The following BMPER variants were observed in gnomAD, a reference collection of about 807,000 sequenced individuals.
BMPER encodes the protein BMP binding endothelial regulator.
BMPER carries 45 observed loss-of-function variants against 87.3 expected under a neutral mutation model. The ratio of observed to expected loss-of-function variants is 0.52; its 90% confidence interval spans 0.41 to 0.66. BMPER has a LOEUF of 0.66. Ranked by LOEUF, BMPER falls within the 30% of genes least tolerant of loss-of-function variation. The pLI is 0.00. For synonymous variants in BMPER, 326 were observed against 316.2 expected, an observed-to-expected ratio of 1.03 and a Z score of -0.33; for missense variants, 784 against 867.5, an observed-to-expected ratio of 0.90 and a Z score of 1.21.
intron 13 of BMPER, among the ~76,000 whole-genome samples, chr7:34,103,530 A>G (rs1789739541): frequency 6.6e-6 from 1 of 152,128 alleles, no homozygotes. Context: ...TTTCCTCTGA[A>G]TTTAAGCTTC....
chr7:34,037,661 C>T (rs763984013), intron 6 of BMPER, among the ~76,000 whole-genome samples: 3 of 152,156 alleles, frequency 2.0e-5, no homozygotes, highest in Non-Finnish European at 4.4e-5. Flanking sequence ...GGCATAGCGC[C>T]CCTGAAAAGA....
chr7:34,025,826 T>C (rs1401901615), intron 6 of BMPER, among the ~76,000 whole-genome samples: 1 of 151,968 alleles, frequency 6.6e-6, no homozygotes, highest in Non-Finnish European at 1.5e-5. Context: ...AAGCGCTGGA[T>C]ATAGAGCCCC....
intron 13 of BMPER, among the ~76,000 whole-genome samples, chr7:34,122,856 A>G (rs891965052): frequency 6.6e-6 from 1 of 152,158 alleles, no homozygotes; most frequent in Non-Finnish European, 1.5e-5. Context: ...TTAAATCGGT[A>G]TTTACCTGAT....
intron 13 of BMPER, among the ~76,000 whole-genome samples, chr7:34,103,255 T>G (rs1289418594): frequency 1.3e-5 from 2 of 152,152 alleles, no homozygotes. Context: ...GTGCCCTTAT[T>G]TTCAGTTAAT....
intron 13 of BMPER, among the ~76,000 whole-genome samples, chr7:34,103,410 G>A (rs1789734563): frequency 1.3e-5 from 2 of 152,136 alleles, no homozygotes; most frequent in Admixed American, 6.5e-5. Flanking sequence ...CATATGTTTT[G>A]AAACCTGGTA....
At chr7:34,056,382 C>A (rs1788284678) in intron 9 of BMPER, among the ~76,000 whole-genome samples, 1 of 151,902 alleles carries the variant, frequency 6.6e-6, no homozygotes. Flanking sequence ...TGCACATGTA[C>A]CCCAGAACTA....
At chr7:34,032,840 A>G (rs1787564725) in intron 6 of BMPER, among the ~76,000 whole-genome samples, 1 of 152,110 alleles carries the variant, frequency 6.6e-6, no homozygotes, top group African/African-American at 2.4e-5. Context: ...AGTGAGAACA[A>G]CCATTTTCCA....
intron 2 of BMPER, among the ~76,000 whole-genome samples, chr7:33,923,240 CAG>C (rs1316564104): frequency 2.0e-5 from 3 of 152,284 alleles, no homozygotes; most frequent in East Asian, 3.9e-4. Flanking sequence ...CTCAGTATAA[CAG>C]AGAAGAAAAA....
intron 6 of BMPER, among the ~76,000 whole-genome samples, chr7:34,020,114 T>A (rs1348513182): frequency 6.6e-6 from 1 of 151,576 alleles, no homozygotes. Context: ...TTAGAATGAA[T>A]AGAGTGAACA....
chr7:33,906,886 A>G lies in BMPER; in HGVS notation c.202A>G (p.Ile68Val). The G allele has an allele frequency of 6.2e-7, 1 of 1,613,516 alleles. No individual in the cohort carries two copies. The highest frequency in any genetic ancestry group is 1.1e-5 in the South Asian group (1 of 91,066). ...QIPFITDNPC[I>V]MCVCLNKEVT... ...TCCATTTATCACAGACAACCCTTGC[A>G]TAATGTGTGTCTGCTTGGTAAGTGT... Residue 68 changes from isoleucine to valine, a missense_variant, in exon 2 of 15, where the codon ATA becomes GTA. Transcript: ENST00000649409.
chr7:34,093,512 G>A (rs1789447598), intron 13 of BMPER, among the ~76,000 whole-genome samples: 1 of 152,228 alleles, frequency 6.6e-6, no homozygotes, highest in African/African-American at 2.4e-5. Flanking sequence ...ACACACTCCT[G>A]TCAGGCAGGA....
At chr7:34,119,777 G>A (rs558053936) in intron 13 of BMPER, among the ~76,000 whole-genome samples, 1 of 152,246 alleles carries the variant, frequency 6.6e-6, no homozygotes, top group Non-Finnish European at 1.5e-5. Context: ...AAAAATTGGA[G>A]ACCCTCAAAT....
intron 2 of BMPER, among the ~76,000 whole-genome samples, chr7:33,910,830 T>C (rs1783943070): frequency 6.6e-6 from 1 of 152,204 alleles, no homozygotes; most frequent in South Asian, 2.1e-4. Context: ...GCTCCCAGCA[T>C]CTTAGATTCT....
At chr7:34,065,374 G>A (rs1788560512) in intron 11 of BMPER, among the ~76,000 whole-genome samples, 1 of 152,042 alleles carries the variant, frequency 6.6e-6, no homozygotes, top group African/African-American at 2.4e-5. Flanking sequence ...AGCATCCCTG[G>A]CCTCTAACCA....
At chr7:34,097,648 C>A (rs967279312) in intron 13 of BMPER, among the ~76,000 whole-genome samples, 2 of 152,010 alleles carry the variant, frequency 1.3e-5, no homozygotes, top group Non-Finnish European at 2.9e-5. Flanking sequence ...CTAACAAGTT[C>A]CCAGGTTGAT....
rs114323819 is a variant in BMPER at position 33,909,043 on chromosome 7, A to G, written c.219+2140A>G. On this transcript the variant is annotated intron_variant, in intron 2 of 14. Coordinates refer to ENST00000649409, the MANE Select transcript of BMPER (RefSeq NM_001365308.1). ...TGTACCTAGGCTGGAAGGTAGACCTATTGAGCAAATTGATAATAATAGCAA... is the reference window on the plus strand; with the variant it reads ...TGTACCTAGGCTGGAAGGTAGACCTGTTGAGCAAATTGATAATAATAGCAA... Among the ~76,000 whole-genome samples the G allele has an allele frequency of 7.1e-3, 1,087 of 152,308 alleles. 14 individuals carry two copies. Among genetic ancestry groups the G allele is most frequent in the African/African-American group, 0.024 (1,014 of 41,566 alleles).
Position 34,037,158 on chromosome 7 carries a change from G to A in BMPER, c.577-9148G>A, listed in dbSNP as rs147611262. On this transcript the variant is annotated intron_variant, in intron 6 of 14. Transcript: ENST00000649409. ...TGAGGTCACAGTGAACTATTATTGC[G>A]CCACTGCACTCTAGCCTGGGTGAGA... is the stretch of plus-strand genomic sequence containing the variant. Among the ~76,000 whole-genome samples, 10 of 152,076 alleles carry A rather than the reference G, an allele frequency of 6.6e-5. No homozygotes were observed. In the East Asian group the frequency reaches 9.7e-4, roughly 15 times the overall value.
At chr7:34,107,613 T>A (rs1017125853) in intron 13 of BMPER, among the ~76,000 whole-genome samples, 1 of 152,178 alleles carries the variant, frequency 6.6e-6, no homozygotes, top group Non-Finnish European at 1.5e-5. Flanking sequence ...GCCCAGGTGT[T>A]TTTCTCCTCT....
chr7:34,117,600 A>G (rs73093398), intron 13 of BMPER, among the ~76,000 whole-genome samples: 1,973 of 152,252 alleles, frequency 0.013, 16 homozygotes, highest in Non-Finnish European at 0.022. Context: ...AGGTACCTAA[A>G]GTGTTGTTAT....
Sources: gnomAD v4.1 joint callset for allele counts (sites outside exome capture counted in the v4.1 genomes callset) on GRCh38, gnomAD v4.1.1 for gene constraint, MANE v1.5 for transcripts, NCBI Gene and HGNC (gene_info 2026-07-23, HGNC 2026-07-21) for gene names.